NID1: variants seen among roughly 807,000 people sequenced by gnomAD.
NID1 encodes nidogen-1.
Under a neutral mutation model 130.6 loss-of-function variants are expected in NID1, and 76 were observed. The observed-to-expected ratio is 0.58, with a 90% CI of 0.48 to 0.70. The LOEUF is 0.70. NID1 is among the 30% of genes least tolerant of loss of function. NID1 has a pLI of 0.00. For synonymous variants in NID1, 665 were observed against 675.1 expected, an observed-to-expected ratio of 0.98 and a Z score of 0.23; for missense variants, 1,517 against 1,664.8, an observed-to-expected ratio of 0.91 and a Z score of 1.54.
intron 17 of NID1, 140 bp downstream of exon 17, chr1:235,980,356 T>TA (rs935578278): frequency 1.2e-5 from 10 of 807,720 alleles, no homozygotes; most frequent in Non-Finnish European, 1.7e-5. Flanking sequence ...ATGTACCAGA[T>TA]AAAACCGTAA....
chr1:236,040,168 A>G (rs1002886143), intron 4 of NID1, among the ~76,000 whole-genome samples: 2 of 152,190 alleles, frequency 1.3e-5, no homozygotes, highest in African/African-American at 2.4e-5. Context: ...TCAAAACCCA[A>G]CATATGCAAG....
intron 7 of NID1, among the ~76,000 whole-genome samples, chr1:236,026,748 T>TTC (rs1394583909): frequency 4.6e-5 from 7 of 151,796 alleles, no homozygotes; most frequent in Non-Finnish European, 8.8e-5. Context: ...CATTTTTTTT[T>TTC]TTTTTTTTGA....
intron 5 of NID1, among the ~76,000 whole-genome samples, chr1:236,034,422 CAAAAAAAA>C: frequency 1.1e-5 from 1 of 92,638 alleles, no homozygotes. Context: ...AACTCCATCT[CAAAAAAAA>C]AAAAAAAAGA....
At chr1:236,018,468 C>T (rs755241790) in intron 9 of NID1, among the ~76,000 whole-genome samples, 35 of 152,248 alleles carry the variant, frequency 2.3e-4, no homozygotes, top group Non-Finnish European at 4.1e-4. Context: ...GAACACGCCC[C>T]TCAGATGGCC....
chr1:235,977,963 A>G lies in NID1; in HGVS notation c.3648T>C (p.Asn1216=). The change falls in exon 20 of 20, where the codon AAT becomes AAC. Residue 1216 remains asparagine (N), a synonymous_variant. Coordinates refer to ENST00000264187, the MANE Select transcript of NID1 (RefSeq NM_002508.3). The part of the protein sequence containing the change: ...PQGHNYCSVN[N]GGCTHLCLAT... ...CCAAGCATAGGTGGGTGCAGCCGCCATTGTTCACTGAGCAGTAGTTATGGC... is the reference window on the plus strand; with the variant it reads ...CCAAGCATAGGTGGGTGCAGCCGCCGTTGTTCACTGAGCAGTAGTTATGGC... 1.9e-6 allele frequency: 3 copies of G among 1,614,136 alleles called. No individual in the cohort carries two copies. The highest frequency in any genetic ancestry group is 1.7e-6 in the Non-Finnish European group (2 of 1,180,000).
intron 12 of NID1, among the ~76,000 whole-genome samples, chr1:236,009,941 T>G (rs1472968294): frequency 6.6e-6 from 1 of 152,202 alleles, no homozygotes; most frequent in Non-Finnish European, 1.5e-5. Flanking sequence ...TGTCCCATCT[T>G]TAGATTCCAG....
chr1:236,057,519 C>T (rs1225931926), intron 1 of NID1, among the ~76,000 whole-genome samples: 5 of 151,886 alleles, frequency 3.3e-5, no homozygotes, highest in South Asian at 2.1e-4. Context: ...CACCTGAGGT[C>T]GGGAGTTTGA....
chr1:236,001,262 C>A (rs6698328), intron 12 of NID1, among the ~76,000 whole-genome samples: 1 of 151,860 alleles, frequency 6.6e-6, no homozygotes, highest in Non-Finnish European at 1.5e-5. Flanking sequence ...CCTGCCACTG[C>A]GCCCAGCTAA....
chr1:236,061,942 G>A (rs543125764), intron 1 of NID1, among the ~76,000 whole-genome samples: 38 of 152,282 alleles, frequency 2.5e-4, no homozygotes, highest in Non-Finnish European at 4.6e-4. Flanking sequence ...TGGTGAGGAC[G>A]TCGAGAAATC....
intron 14 of NID1, among the ~76,000 whole-genome samples, chr1:235,990,246 G>A (rs1475731130): frequency 6.6e-6 from 1 of 152,300 alleles, no homozygotes; most frequent in African/African-American, 2.4e-5. Context: ...AAAAGCTGGA[G>A]GTTGGTCCTG....
In NID1 at chr1:236,017,278, A is replaced by G; in HGVS notation, c.2129-5T>C. 3 of 1,613,456 alleles carry G rather than the reference A, an allele frequency of 1.9e-6. No homozygotes were observed. In the South Asian group the frequency reaches 3.3e-5, roughly 18 times the overall value. On this transcript the variant is annotated splice_polypyrimidine_tract_variant and splice_region_variant and intron_variant, in intron 9 of 19. Transcript: ENST00000264187. ...GTTCTGAACATTCATCAATATCTGC[A>G]GCAAAAATTTTTTTTTACTGCAGGC... is the stretch of plus-strand genomic sequence containing the variant.
intron 4 of NID1, among the ~76,000 whole-genome samples, chr1:236,041,516 T>C (rs2102839738): frequency 6.6e-6 from 1 of 152,320 alleles, no homozygotes; most frequent in Middle Eastern, 3.4e-3. Flanking sequence ...ATAAGCTTCA[T>C]AGACAGCCAA....
chr1:236,062,329 G>T (rs1660060625), intron 1 of NID1, among the ~76,000 whole-genome samples: 1 of 152,142 alleles, frequency 6.6e-6, no homozygotes, highest in African/African-American at 2.4e-5. Context: ...AATCGTGTCA[G>T]CCATCTACTT....
rs1264419770 is a variant in NID1, at chr1:235,976,313, C to T, written c.*1554G>A. The T allele has an allele frequency of 6.6e-6, 1 of 152,066 alleles. No homozygotes were observed. Among genetic ancestry groups the T allele is most frequent in the African/African-American group, 2.4e-5 (1 of 41,410 alleles). The allele number at this position is 152,066 out of a possible 1,614,324, so 9.4% of individuals were successfully genotyped here. A position where few individuals can be genotyped will look rare whatever the true frequency, so the allele number is the denominator to read the frequency against. On this transcript the variant is annotated 3_prime_UTR_variant, in exon 20 of 20. Coordinates refer to ENST00000264187, the MANE Select transcript of NID1 (RefSeq NM_002508.3). ...AGGAAAAGAGGAGAGACTCTTTTCC[C>T]CAAAGAGAGTATCAGGCAAATTCTT...
rs578203885 is a variant in NID1 at position 236,058,615 on chromosome 1, A to C, written c.225+6240T>G. 6.6e-5 allele frequency among the ~76,000 whole-genome samples: 10 copies of C among 152,332 alleles called. 1 individual carries two copies. The South Asian group carries it at 2.1e-3, about 32-fold the overall frequency. On this transcript the variant is annotated intron_variant, in intron 1 of 19. Coordinates refer to ENST00000264187, the MANE Select transcript of NID1 (RefSeq NM_002508.3). ...CGTGAACTTTCAGATAGCATGAATC[A>C]CCGGAGAAAGTCTATATGCAGATGC... is the stretch of plus-strand genomic sequence containing the variant.
chr1:236,002,780 G>A (rs1056180129), intron 12 of NID1, among the ~76,000 whole-genome samples: 5 of 152,142 alleles, frequency 3.3e-5, no homozygotes, highest in African/African-American at 7.2e-5. Context: ...ATTTGGAAAC[G>A]AGGCCATGTG....
At chr1:236,005,178 A>C (rs1658211213) in intron 12 of NID1, among the ~76,000 whole-genome samples, 1 of 152,170 alleles carries the variant, frequency 6.6e-6, no homozygotes, top group African/African-American at 2.4e-5. Context: ...AACAAAAGCA[A>C]ACAAACAAAA....
At chr1:236,030,809 G>A (rs1659075794) in intron 6 of NID1, among the ~76,000 whole-genome samples, 1 of 152,214 alleles carries the variant, frequency 6.6e-6, no homozygotes. Context: ...CAGATTTGCT[G>A]CTGTCAGGAA....
Position 236,054,633 on chromosome 1 carries a change from T to C in NID1, c.226-5644A>G, listed in dbSNP as rs1659845852. Among the ~76,000 whole-genome samples, 3 of 152,166 alleles carry C rather than the reference T, an allele frequency of 2.0e-5. No homozygotes were observed. The South Asian group carries it at 6.2e-4, about 32-fold the overall frequency. ...AAAGTATGATCATGATTTTACTATT[T>C]TGTTTTTTTAAAGAATTTTTTTTTT... On this transcript the variant is annotated intron_variant, in intron 1 of 19. Coordinates refer to ENST00000264187, the MANE Select transcript of NID1 (RefSeq NM_002508.3).
Sources: allele counts gnomAD v4.1 joint callset (sites outside exome capture counted in the v4.1 genomes callset), GRCh38; gene constraint gnomAD v4.1.1; transcripts MANE v1.5; gene names NCBI Gene and HGNC (gene_info 2026-07-23, HGNC 2026-07-21).